Variants in IL1RAPL2 observed in about 807,000 individuals in gnomAD.
IL1RAPL2 encodes interleukin 1 receptor accessory protein like 2.
In IL1RAPL2, 3 loss-of-function variants were observed where a neutral mutation model predicts 44.1. The observed-to-expected ratio is 0.07, with a 90% CI of 0.03 to 0.18. IL1RAPL2 has a LOEUF of 0.18. Ranked by LOEUF, IL1RAPL2 falls within the 10% of genes least tolerant of loss-of-function variation. The pLI is 1.00. For synonymous variants in IL1RAPL2, 181 were observed against 178.8 expected (o/e 1.01, Z -0.10); for missense variants, 391 against 496.4 (o/e 0.79, Z 2.02).
At chrX:105,370,739 A>G (rs897818216) in intron 5 of IL1RAPL2, among the ~76,000 whole-genome samples, 1 of 111,797 alleles carries the variant, frequency 8.9e-6, no homozygotes, top group African/African-American at 3.3e-5. Context: ...TTAGGTATAT[A>G]CCCAATAATG....
At chrX:104,743,010 C>T (rs1313128547) in intron 2 of IL1RAPL2, among the ~76,000 whole-genome samples, 1 of 111,614 alleles carries the variant, frequency 9.0e-6, no homozygotes, top group Non-Finnish European at 1.9e-5. Context: ...GTTTATATAC[C>T]TGTTATTCTG....
chrX:105,203,604 T>A (rs1354935546), intron 3 of IL1RAPL2, among the ~76,000 whole-genome samples: 1 of 112,116 alleles, frequency 8.9e-6, no homozygotes, highest in Non-Finnish European at 1.9e-5. Flanking sequence ...AAATTTTACC[T>A]TCAAACTCTT....
intron 6 of IL1RAPL2, among the ~76,000 whole-genome samples, chrX:105,611,465 G>A (rs2037335620): frequency 9.0e-6 from 1 of 111,106 alleles, no homozygotes; most frequent in African/African-American, 3.3e-5. Flanking sequence ...GCCCTATACA[G>A]GTGTACCATT....
At chrX:104,965,299 C>T (rs1341219257) in intron 2 of IL1RAPL2, among the ~76,000 whole-genome samples, 2 of 111,788 alleles carry the variant, frequency 1.8e-5, no homozygotes, top group East Asian at 5.6e-4. Context: ...ATTAGTTTGT[C>T]TTGGCCTGGG....
At chrX:105,414,439 T>C (rs1164733796) in intron 5 of IL1RAPL2, among the ~76,000 whole-genome samples, 2 of 112,174 alleles carry the variant, frequency 1.8e-5, no homozygotes, top group African/African-American at 3.2e-5. Flanking sequence ...ACTATCATTT[T>C]CTTATTAAAG....
intron 2 of IL1RAPL2, among the ~76,000 whole-genome samples, chrX:105,070,905 C>T (rs910484963): frequency 9.0e-6 from 1 of 110,551 alleles, no homozygotes; most frequent in African/African-American, 3.3e-5. Context: ...TATGATGTTT[C>T]TTTGCATCCA....
chrX:105,091,056 AT>A (rs1463722450), intron 2 of IL1RAPL2, among the ~76,000 whole-genome samples: 1 of 112,216 alleles, frequency 8.9e-6, no homozygotes, highest in African/African-American at 3.2e-5. Context: ...TATGTGACTT[AT>A]ATAAATTAGT....
intron 6 of IL1RAPL2, among the ~76,000 whole-genome samples, chrX:105,623,458 TAGAG>T (rs1302059212): frequency 5.4e-5 from 6 of 111,235 alleles, no homozygotes; most frequent in African/African-American, 2.0e-4. Flanking sequence ...CAAATAATCT[TAGAG>T]GGGCAGTTTT....
chrX:105,472,286 T>C lies in IL1RAPL2; in HGVS notation c.698-12027T>C, dbSNP rs763504424. Among the ~76,000 whole-genome samples, 151 of 111,959 alleles carry C rather than the reference T, an allele frequency of 1.3e-3. 1 individual carries two copies. Among genetic ancestry groups the C allele is most frequent in the African/African-American group, 4.8e-3 (148 of 30,836 alleles). Reference sequence around the variant, plus strand: ...TGACAAAGTTATATCAGGAGATGAATGATAATCACAGCTGACTAAATGCTT... The same window carrying C: ...TGACAAAGTTATATCAGGAGATGAACGATAATCACAGCTGACTAAATGCTT... On this transcript the variant is annotated intron_variant, in intron 5 of 10. Coordinates refer to ENST00000372582, the MANE Select transcript of IL1RAPL2 (RefSeq NM_017416.2).
chrX:105,005,582 A>G (rs2030927331), intron 2 of IL1RAPL2, among the ~76,000 whole-genome samples: 2 of 109,999 alleles, frequency 1.8e-5, no homozygotes, highest in Non-Finnish European at 3.8e-5. Flanking sequence ...TTTCTCTTAT[A>G]TTTCTTCTTG....
At chrX:104,672,131 G>C (rs753123023) in intron 2 of IL1RAPL2, among the ~76,000 whole-genome samples, 1 of 110,789 alleles carries the variant, frequency 9.0e-6, no homozygotes, top group African/African-American at 3.3e-5. Flanking sequence ...AAGTTTTAGG[G>C]TACATGTGCA....
intron 6 of IL1RAPL2, among the ~76,000 whole-genome samples, chrX:105,556,042 T>C (rs753988400): frequency 8.1e-5 from 9 of 111,670 alleles, no homozygotes; most frequent in Non-Finnish European, 1.5e-4. Context: ...CAAGATTATG[T>C]TAGTCATTTA....
chrX:105,626,955 G>A (rs1298295485), intron 6 of IL1RAPL2, among the ~76,000 whole-genome samples: 1 of 111,349 alleles, frequency 9.0e-6, no homozygotes, highest in African/African-American at 3.3e-5. Context: ...GGTATGTGGT[G>A]TGGCCCAGGG....
chrX:104,922,116 C>G (rs1226371380), intron 2 of IL1RAPL2, among the ~76,000 whole-genome samples: 2 of 112,088 alleles, frequency 1.8e-5, no homozygotes, highest in East Asian at 2.8e-4. Flanking sequence ...CCCAGTTTTG[C>G]CCCCTCCAGC....
chrX:105,665,742 GTT>G (rs1178543516), intron 6 of IL1RAPL2, among the ~76,000 whole-genome samples: 2,152 of 83,721 alleles, frequency 0.026, 85 homozygotes, highest in African/African-American at 0.1. Context: ...TTGTTTTTTT[GTT>G]TTTTTTTTTT....
intron 4 of IL1RAPL2, among the ~76,000 whole-genome samples, chrX:105,242,298 C>G (rs78712671): frequency 8.9e-6 from 1 of 112,124 alleles, no homozygotes; most frequent in Non-Finnish European, 1.9e-5. Context: ...GTTTATTTCC[C>G]AAAGATTACT....
intron 6 of IL1RAPL2, among the ~76,000 whole-genome samples, chrX:105,666,495 G>T (rs1057376712): frequency 8.9e-6 from 1 of 112,005 alleles, no homozygotes; most frequent in Non-Finnish European, 1.9e-5. Context: ...AGTATACAGA[G>T]AAAGGAATTT....
At chrX:105,175,754 G>A (rs2033466650) in intron 2 of IL1RAPL2, among the ~76,000 whole-genome samples, 1 of 110,710 alleles carries the variant, frequency 9.0e-6, no homozygotes, top group South Asian at 3.8e-4. Flanking sequence ...CTGACAAGAT[G>A]AAAGGGTAAT....
chrX:105,334,880 A>T (rs945294573), intron 5 of IL1RAPL2, among the ~76,000 whole-genome samples: 1 of 111,422 alleles, frequency 9.0e-6, no homozygotes, highest in Non-Finnish European at 1.9e-5. Flanking sequence ...CATAAAAAAC[A>T]TGCAACAAAA....
Sources: allele counts gnomAD v4.1 joint callset (sites outside exome capture counted in the v4.1 genomes callset), GRCh38; gene constraint gnomAD v4.1.1; transcripts MANE v1.5; gene names NCBI Gene and HGNC (gene_info 2026-07-23, HGNC 2026-07-21).